Variants in KCNH1 observed in about 807,000 individuals in gnomAD.
KCNH1 encodes the protein potassium voltage-gated channel subfamily H member 1.
Under a neutral mutation model 69.2 loss-of-function variants are expected in KCNH1, and 27 were observed. The ratio of observed to expected loss-of-function variants is 0.39; its 90% CI spans 0.29 to 0.54. KCNH1 has a LOEUF of 0.54. Ranked by LOEUF, KCNH1 falls within the 20% of genes least tolerant of loss-of-function variation. The pLI is 0.68. For synonymous variants in KCNH1, 456 were observed against 487.7 expected, an observed-to-expected ratio of 0.93 and a Z score of 0.86; for missense variants, 798 against 1,261.6, an observed-to-expected ratio of 0.63 and a Z score of 5.57.
intron 10 of KCNH1, among the ~76,000 whole-genome samples, chr1:210,750,253 G>A (rs1445900150): frequency 1.3e-5 from 2 of 152,166 alleles, no homozygotes; most frequent in Non-Finnish European, 2.9e-5. Flanking sequence ...GCAAGGATCC[G>A]ATAAGATAAA....
chr1:210,988,005 G>T (rs1003456625), intron 6 of KCNH1, among the ~76,000 whole-genome samples: 17 of 152,182 alleles, frequency 1.1e-4, no homozygotes, highest in Non-Finnish European at 1.6e-4. Flanking sequence ...CCCCAGCCTC[G>T]CTGACACCTT....
chr1:211,112,632 G>C (rs1558609908), intron 1 of KCNH1, among the ~76,000 whole-genome samples: 1 of 151,848 alleles, frequency 6.6e-6, no homozygotes, highest in East Asian at 1.9e-4. Context: ...TCTCACCATA[G>C]AATTTAAAGT....
At chr1:210,715,780 C>T (rs557289158) in intron 10 of KCNH1, among the ~76,000 whole-genome samples, 8 of 152,208 alleles carry the variant, frequency 5.3e-5, no homozygotes, top group African/African-American at 1.4e-4. Context: ...GGAAGGGAAA[C>T]GCTCTCTGAG....
At chr1:210,719,641 A>G (rs1682403031) in intron 10 of KCNH1, among the ~76,000 whole-genome samples, 1 of 152,146 alleles carries the variant, frequency 6.6e-6, no homozygotes, top group African/African-American at 2.4e-5. Flanking sequence ...GCAGTAAACC[A>G]CCATGGCACA....
intron 6 of KCNH1, among the ~76,000 whole-genome samples, chr1:211,009,333 C>T (rs572736495): frequency 6.6e-6 from 1 of 152,232 alleles, no homozygotes; most frequent in African/African-American, 2.4e-5. Context: ...AGAGAAAAAG[C>T]AGAAACAACA....
intron 10 of KCNH1, among the ~76,000 whole-genome samples, chr1:210,773,443 C>T (rs981198151): frequency 2.0e-5 from 3 of 152,198 alleles, no homozygotes; most frequent in Non-Finnish European, 2.9e-5. Context: ...AGGCACCAAG[C>T]CCTTGCCTTC....
intron 4 of KCNH1, among the ~76,000 whole-genome samples, chr1:211,083,187 T>C (rs1002337225): frequency 6.6e-6 from 1 of 152,270 alleles, no homozygotes; most frequent in African/African-American, 2.4e-5. Flanking sequence ...ACAGAGTGCC[T>C]GGACAATGAG....
At chr1:210,799,541 T>A (rs1684389257) in intron 8 of KCNH1, among the ~76,000 whole-genome samples, 1 of 152,172 alleles carries the variant, frequency 6.6e-6, no homozygotes, top group Non-Finnish European at 1.5e-5. Flanking sequence ...GGACTAAATG[T>A]TTGCAATAAA....
chr1:211,011,006 C>T (rs1689381443), intron 6 of KCNH1, among the ~76,000 whole-genome samples: 2 of 152,012 alleles, frequency 1.3e-5, no homozygotes, highest in Admixed American at 6.6e-5. Flanking sequence ...ATACTTTAAG[C>T]TCTGGGATAC....
chr1:210,759,584 G>C (rs557821313), intron 10 of KCNH1, among the ~76,000 whole-genome samples: 9 of 151,908 alleles, frequency 5.9e-5, no homozygotes, highest in Non-Finnish European at 1.3e-4. Context: ...CTCTAAGATA[G>C]GTCCTTTGAA....
intron 6 of KCNH1, among the ~76,000 whole-genome samples, chr1:210,976,080 T>A (rs1688603600): frequency 6.6e-6 from 1 of 152,008 alleles, no homozygotes; most frequent in Non-Finnish European, 1.5e-5. Flanking sequence ...AGAATGGCAA[T>A]CATTAAAAAG....
intron 5 of KCNH1, among the ~76,000 whole-genome samples, chr1:211,022,818 A>T (rs1689610357): frequency 6.6e-6 from 1 of 152,168 alleles, no homozygotes; most frequent in Admixed American, 6.6e-5. Flanking sequence ...AAAGACAAAA[A>T]AAAGTGCTGA....
chr1:210,948,179 C>A, intron 6 of KCNH1, among the ~76,000 whole-genome samples: 1 of 146,902 alleles, frequency 6.8e-6, no homozygotes, highest in Non-Finnish European at 1.5e-5. Flanking sequence ...GATACTCTAG[C>A]AACAGAGTAA....
chr1:210,683,605 A>G lies in KCNH1; in HGVS notation c.2646T>C (p.Ser882=), dbSNP rs1448054745. 4 of 1,614,120 alleles carry G rather than the reference A, an allele frequency of 2.5e-6. No homozygotes were observed. Among genetic ancestry groups the G allele is most frequent in the Non-Finnish European group, 1.7e-6 (2 of 1,180,024 alleles). ...GGCGCAAGTCGCTCTTGGTGATGCC[A>G]CTGTCACACGAGTCTGTCTTCTTCA... ...ATLKKTDSCD[S]GITKSDLRLD... is the part of the protein sequence containing the mutation. The change falls in exon 11 of 11, where the codon AGT becomes AGC. Residue 882 remains serine, a synonymous_variant. Coordinates refer to ENST00000271751, the MANE Select transcript of KCNH1 (RefSeq NM_172362.3). This position sits in a 1 kb window ranked among gnomAD's most constrained non-coding sequence, Gnocchi z 5.7.
chr1:210,896,216 C>A (rs1686863840), intron 7 of KCNH1, among the ~76,000 whole-genome samples: 1 of 152,078 alleles, frequency 6.6e-6, no homozygotes, highest in Non-Finnish European at 1.5e-5. Flanking sequence ...TTTTCCTAGT[C>A]CTTAATTCTA....
intron 5 of KCNH1, among the ~76,000 whole-genome samples, chr1:211,059,594 T>C (rs1690389948): frequency 6.6e-6 from 1 of 151,372 alleles, no homozygotes; most frequent in Non-Finnish European, 1.5e-5. Flanking sequence ...ATATAAAAAA[T>C]TAGCCGGACG....
chr1:210,773,582 T>A (rs1000912126), intron 10 of KCNH1, among the ~76,000 whole-genome samples: 1 of 152,210 alleles, frequency 6.6e-6, no homozygotes, highest in Non-Finnish European at 1.5e-5. Context: ...AAGGGTTGTT[T>A]CCTTTCTCCA....
chr1:210,847,280 C>T (rs931412493), intron 7 of KCNH1, among the ~76,000 whole-genome samples: 4 of 152,094 alleles, frequency 2.6e-5, no homozygotes, highest in African/African-American at 7.2e-5. Context: ...CACATGCACA[C>T]GTATGTTTAT....
chr1:210,742,863 G>A (rs535415271), intron 10 of KCNH1, among the ~76,000 whole-genome samples: 77 of 152,248 alleles, frequency 5.1e-4, no homozygotes, highest in African/African-American at 1.7e-3. Flanking sequence ...GTGTGCGCGC[G>A]CGCGTGCACG....
Sources: allele counts gnomAD v4.1 joint callset (sites outside exome capture counted in the v4.1 genomes callset), GRCh38; gene constraint gnomAD v4.1.1; non-coding constraint Gnocchi (gnomAD v3.1); transcripts MANE v1.5; gene names NCBI Gene and HGNC (gene_info 2026-07-23, HGNC 2026-07-21).